Variants in GSE1 observed in about 807,000 individuals in gnomAD.
GSE1 encodes the protein Gse1 coiled-coil protein.
In GSE1, 32 loss-of-function variants were observed where a neutral mutation model predicts 112.6. The observed-to-expected ratio is 0.28, with a 90% confidence interval of 0.21 to 0.38. The LOEUF (loss-of-function observed/expected upper bound fraction) is 0.38. Ranked by LOEUF, GSE1 falls within the 10% of genes least tolerant of loss-of-function variation. GSE1 has a pLI of 1.00. For synonymous variants in GSE1, 1,115 were observed against 735.6 expected (o/e 1.52, Z -8.35); for missense variants, 2,348 against 1,699.2 (o/e 1.38, Z -6.71).
intron 1 of GSE1, among the ~76,000 whole-genome samples, chr16:85,307,024 G>A (rs948099011): frequency 1.3e-5 from 2 of 152,238 alleles, no homozygotes; most frequent in Non-Finnish European, 2.9e-5. Flanking sequence ...CTCCTTGCAG[G>A]TGAGGGCAGG....
intron 1 of GSE1, among the ~76,000 whole-genome samples, chr16:85,280,857 A>C (rs1472111961): frequency 6.6e-6 from 1 of 152,190 alleles, no homozygotes; most frequent in African/African-American, 2.4e-5. Context: ...TTAGAAAGCC[A>C]GTGCAAGGAG....
chr16:85,645,617 G>A (rs2050790199), intron 2 of GSE1, among the ~76,000 whole-genome samples: 1 of 152,156 alleles, frequency 6.6e-6, no homozygotes, highest in South Asian at 2.1e-4. Flanking sequence ...GGCTGCCTGA[G>A]GCCTCTGGGC....
intron 1 of GSE1, among the ~76,000 whole-genome samples, chr16:85,348,187 A>T (rs1369255851): frequency 6.6e-6 from 1 of 151,734 alleles, no homozygotes; most frequent in Non-Finnish European, 1.5e-5. Flanking sequence ...TTCACTATTC[A>T]TCTATCTGTC....
At chr16:85,387,992 GTGGATGGA>G (rs58416051) in intron 2 of GSE1, among the ~76,000 whole-genome samples, 2,052 of 103,160 alleles carry the variant, frequency 0.02, 55 homozygotes, top group East Asian at 0.1. Flanking sequence ...GGATGGGTGG[GTGGATGGA>G]TGGATGGATG....
chr16:85,409,224 C>T (rs2048416675), intron 2 of GSE1, among the ~76,000 whole-genome samples: 1 of 43,740 alleles, frequency 2.3e-5, no homozygotes, highest in South Asian at 1.2e-3. Context: ...CCGGATAATC[C>T]TCACTGTTAC....
chr16:85,302,897 G>C (rs16944651), intron 1 of GSE1, among the ~76,000 whole-genome samples: 1 of 152,160 alleles, frequency 6.6e-6, no homozygotes, highest in South Asian at 2.1e-4. Context: ...TCCTTCAATC[G>C]GGTCCAACGG....
intron 2 of GSE1, among the ~76,000 whole-genome samples, chr16:85,447,420 G>A (rs1174308421): frequency 6.6e-6 from 1 of 152,198 alleles, no homozygotes; most frequent in Admixed American, 6.5e-5. Flanking sequence ...TGACCTCTCT[G>A]GACTTTGACT....
At chr16:85,551,848 C>T (rs899432053), upstream of GSE1, among the ~76,000 whole-genome samples, 19 of 152,176 alleles carry the variant, frequency 1.2e-4, no homozygotes, top group Non-Finnish European at 1.9e-4. Context: ...CATTCAAATA[C>T]TTATTAGAGG....
intron 1 of GSE1, among the ~76,000 whole-genome samples, chr16:85,262,228 A>G (rs1481006925): frequency 2.0e-5 from 3 of 152,352 alleles, no homozygotes; most frequent in Non-Finnish European, 2.9e-5. Context: ...CTTTCCTCAG[A>G]GAGTGTCAGA....
At chr16:85,171,708 C>T (rs2074361257) in exon 1 of GSE1, 13 of 985,512 alleles carry the variant, frequency 1.3e-5, no homozygotes, top group African/African-American at 3.5e-5. Context: ...AGCTGATCAT[C>T]GGTGCTTGCG....
At chr16:85,477,787 C>G (rs1488719095) in intron 2 of GSE1, among the ~76,000 whole-genome samples, 1 of 151,812 alleles carries the variant, frequency 6.6e-6, no homozygotes, top group South Asian at 2.1e-4. Context: ...GTCTCGAACT[C>G]CTGACCTTGT....
At chr16:85,595,967 T>G in intron 1 of GSE1, among the ~76,000 whole-genome samples, 1 of 81,678 alleles carries the variant, frequency 1.2e-5, no homozygotes, top group South Asian at 5.2e-4. Context: ...CTCCCACCCA[T>G]TCCTCTATCC....
At position 85,246,509 on chromosome 16, in the gene GSE1, C is replaced by A. The variant is rs994328303; in HGVS notation, c.2283+74702C>A. On this transcript the variant is annotated intron_variant, in intron 1 of 2. Transcript: ENST00000637419. The stretch of plus-strand genomic sequence containing the variant: ...CACACACACTCTACACACCCCCCCC[C>A]CCCCGACGCTGTCTGCAGGAGATGT... Among the ~76,000 whole-genome samples, 10 of 102,148 alleles carry A rather than the reference C, an allele frequency of 9.8e-5. No individual in the cohort carries two copies. In the East Asian group the frequency reaches 1.8e-3, roughly 18 times the overall value. The allele number at this position is 102,148 out of a possible 152,430, so 67.0% of individuals were successfully genotyped here.
intron 1 of GSE1, among the ~76,000 whole-genome samples, chr16:85,329,012 G>A (rs140872768): frequency 6.6e-6 from 1 of 152,190 alleles, no homozygotes; most frequent in Non-Finnish European, 1.5e-5. Context: ...CGTTCGGTGG[G>A]GGATTGAGGG....
intron 1 of GSE1, among the ~76,000 whole-genome samples, chr16:85,262,916 G>A (rs574016957): frequency 6.6e-6 from 1 of 152,238 alleles, no homozygotes; most frequent in African/African-American, 2.4e-5. Context: ...GCCAGGCCCC[G>A]TTCTAGGCTC....
chr16:85,319,990 G>C (rs546690721), intron 1 of GSE1, among the ~76,000 whole-genome samples: 1 of 152,198 alleles, frequency 6.6e-6, no homozygotes, highest in East Asian at 1.9e-4. Flanking sequence ...CTACCCAGCC[G>C]GTTCGCTTCT....
intron 1 of GSE1, among the ~76,000 whole-genome samples, chr16:85,587,219 A>G (rs1302071551): frequency 6.6e-6 from 1 of 151,950 alleles, no homozygotes; most frequent in East Asian, 1.9e-4. Flanking sequence ...CGGCCGTGGA[A>G]GATGAAAACA....
chr16:85,383,128 A>G (rs989110030), intron 2 of GSE1, among the ~76,000 whole-genome samples: 1 of 151,984 alleles, frequency 6.6e-6, no homozygotes, highest in Non-Finnish European at 1.5e-5. Flanking sequence ...AGCTCTTGAC[A>G]CAAACACCAT....
intron 2 of GSE1, among the ~76,000 whole-genome samples, chr16:85,542,044 TA>T (rs1391612104): frequency 1.3e-5 from 2 of 152,196 alleles, no homozygotes; most frequent in African/African-American, 4.8e-5. Context: ...TTCAGGGTTT[TA>T]TTAGGGCAGG....
Sources: gnomAD v4.1 joint callset for allele counts (sites outside exome capture counted in the v4.1 genomes callset) on GRCh38, gnomAD v4.1.1 for gene constraint, MANE v1.5 for transcripts, NCBI Gene and HGNC (gene_info 2026-07-23, HGNC 2026-07-21) for gene names.